The following RPH3A variants were observed in gnomAD, a reference collection of about 807,000 sequenced individuals.
The protein encoded by RPH3A is rabphilin-3A.
RPH3A carries 48 observed loss-of-function variants against 102.2 expected under a neutral mutation model. The observed-to-expected ratio is 0.47, with a 90% CI of 0.37 to 0.60. The LOEUF (loss-of-function observed/expected upper bound fraction) is 0.60. Ranked by LOEUF, RPH3A falls within the 20% of genes least tolerant of loss-of-function variation. The pLI is 0.00. For synonymous variants in RPH3A, 310 were observed against 324.3 expected, an observed-to-expected ratio of 0.96 and a Z score of 0.47; for missense variants, 781 against 910.1, an observed-to-expected ratio of 0.86 and a Z score of 1.83.
At chr12:112,701,783 C>A (rs1219407650) in intron 1 of RPH3A, among the ~76,000 whole-genome samples, 1 of 152,158 alleles carries the variant, frequency 6.6e-6, no homozygotes, top group Admixed American at 6.5e-5. Context: ...TCGTCAGAAG[C>A]AAGGAAAACC....
At chr12:112,805,567 G>T (rs1213810571) in intron 2 of RPH3A, among the ~76,000 whole-genome samples, 3 of 152,180 alleles carry the variant, frequency 2.0e-5, no homozygotes, top group African/African-American at 4.8e-5. Flanking sequence ...CAGTTAGCTA[G>T]GTCATCCTTC....
intron 8 of RPH3A, chr12:112,869,546 C>A (rs529791433): frequency 3.3e-5 from 19 of 573,522 alleles, no homozygotes; most frequent in Non-Finnish European, 4.9e-5. Context: ...CTTTATAAAG[C>A]CTGTGTATGC....
At chr12:112,734,664 G>A (rs2136050823) in intron 1 of RPH3A, among the ~76,000 whole-genome samples, 1 of 152,296 alleles carries the variant, frequency 6.6e-6, no homozygotes, top group African/African-American at 2.4e-5. Context: ...CTAAACAAGG[G>A]GTGGATTATT....
intron 1 of RPH3A, among the ~76,000 whole-genome samples, chr12:112,738,582 C>T (rs890715929): frequency 1.3e-5 from 2 of 152,102 alleles, no homozygotes; most frequent in African/African-American, 2.4e-5. Context: ...CTGCCATCAC[C>T]ACTGCATGGG....
intron 4 of RPH3A, among the ~76,000 whole-genome samples, chr12:112,838,429 C>A (rs1360305591): frequency 6.6e-6 from 1 of 152,176 alleles, no homozygotes. Flanking sequence ...TCCAAAGGGG[C>A]CTTTATACCA....
chr12:112,844,009 G>A (rs1166673312), intron 4 of RPH3A, among the ~76,000 whole-genome samples: 1 of 152,158 alleles, frequency 6.6e-6, no homozygotes, highest in African/African-American at 2.4e-5. Flanking sequence ...CATGGCACAG[G>A]CTCTGCATAA....
intron 1 of RPH3A, among the ~76,000 whole-genome samples, chr12:112,690,486 A>T (rs1282062716): frequency 6.6e-6 from 1 of 152,198 alleles, no homozygotes; most frequent in Admixed American, 6.5e-5. Flanking sequence ...TATTACCAAG[A>T]TGTATTAAGG....
intron 10 of RPH3A, chr12:112,874,788 A>G (rs1030712412): frequency 2.7e-6 from 1 of 369,296 alleles, no homozygotes; most frequent in Non-Finnish European, 4.9e-6. Flanking sequence ...ATACCAGGTG[A>G]GGAAACTGAG....
intron 1 of RPH3A, among the ~76,000 whole-genome samples, chr12:112,725,258 A>C (rs1037050033): frequency 6.7e-6 from 1 of 148,840 alleles, no homozygotes; most frequent in Admixed American, 6.6e-5. Flanking sequence ...CAGAAAAAAA[A>C]AAAAAAAAAA....
At chr12:112,580,475 C>G (rs1017227766) in intron 1 of RPH3A, among the ~76,000 whole-genome samples, 1 of 146,142 alleles carries the variant, frequency 6.8e-6, no homozygotes, top group African/African-American at 2.5e-5. Flanking sequence ...GCGATCTCGG[C>G]TCACTGCAAG....
At chr12:112,868,703 T>C (rs2042654527) in intron 8 of RPH3A, 108 bp downstream of exon 8, 1 of 1,271,018 alleles carries the variant, frequency 7.9e-7, no homozygotes, top group Non-Finnish European at 1.1e-6. Flanking sequence ...AGTTGTTGCA[T>C]GGTCAGCTTC....
intron 1 of RPH3A, among the ~76,000 whole-genome samples, chr12:112,699,487 G>A (rs1317370727): frequency 6.6e-6 from 1 of 152,192 alleles, no homozygotes; most frequent in African/African-American, 2.4e-5. Flanking sequence ...GACCACATGG[G>A]CAAATCTCAA....
intron 5 of RPH3A, 142 bp downstream of exon 5, chr12:112,847,984 G>A (rs917913022): frequency 2.5e-5 from 20 of 804,586 alleles, no homozygotes; most frequent in Middle Eastern, 3.7e-4. Context: ...CCACCTCCCC[G>A]CCCCACCCCC....
chr12:112,660,469 G>A (rs2040041751), intron 1 of RPH3A, among the ~76,000 whole-genome samples: 1 of 152,046 alleles, frequency 6.6e-6, no homozygotes, highest in African/African-American at 2.4e-5. Context: ...CCCATCTCCT[G>A]TCTTGCTCTG....
intron 1 of RPH3A, among the ~76,000 whole-genome samples, chr12:112,596,289 G>A (rs2039515466): frequency 6.6e-6 from 1 of 152,144 alleles, no homozygotes; most frequent in African/African-American, 2.4e-5. Flanking sequence ...CCACAGGCAT[G>A]TGCCACAATG....
chr12:112,832,896 T>A (rs1366131388), intron 3 of RPH3A, among the ~76,000 whole-genome samples: 1 of 151,804 alleles, frequency 6.6e-6, no homozygotes, highest in Non-Finnish European at 1.5e-5. Flanking sequence ...CACACAATGG[T>A]GATAAATACT....
chr12:112,720,819 G>A (rs2040545566), intron 1 of RPH3A, among the ~76,000 whole-genome samples: 1 of 152,198 alleles, frequency 6.6e-6, no homozygotes, highest in African/African-American at 2.4e-5. Flanking sequence ...GAAGTCAAGA[G>A]GTAGGGAAGT....
At chr12:112,653,054 A>G (rs1357133318) in intron 1 of RPH3A, among the ~76,000 whole-genome samples, 2 of 152,280 alleles carry the variant, frequency 1.3e-5, no homozygotes, top group Admixed American at 1.3e-4. Flanking sequence ...TTGTGTATCT[A>G]AACATATCTA....
chr12:112,802,198 A>C (rs993312773), intron 2 of RPH3A, among the ~76,000 whole-genome samples: 1 of 152,210 alleles, frequency 6.6e-6, no homozygotes, highest in African/African-American at 2.4e-5. Flanking sequence ...TGCCTAACAA[A>C]TGCTGAGTGT....
Sources: gnomAD v4.1 joint callset for allele counts (sites outside exome capture counted in the v4.1 genomes callset) on GRCh38, gnomAD v4.1.1 for gene constraint, MANE v1.5 for transcripts, NCBI Gene and HGNC (gene_info 2026-07-23, HGNC 2026-07-21) for gene names.